Variants in RAD51B observed in about 807,000 individuals in gnomAD.
The protein encoded by RAD51B is DNA repair protein RAD51 homolog 2.
RAD51B carries 38 observed loss-of-function variants against 42.2 expected under a neutral mutation model. The observed-to-expected ratio is 0.90, with a 90% confidence interval of 0.70 to 1.18. The LOEUF (loss-of-function observed/expected upper bound fraction) is 1.18, where lower values mean the gene tolerates loss of function less well. Among genes scored for constraint, RAD51B ranks in the 50% most tolerant of loss-of-function variants. The pLI is 0.00. For synonymous variants in RAD51B, 154 were observed against 145.2 expected (o/e 1.06, Z -0.43); for missense variants, 373 against 400.7 (o/e 0.93, Z 0.59).
chr14:68,544,400 A>T (rs1888118271), intron 10 of RAD51B, among the ~76,000 whole-genome samples: 1 of 152,198 alleles, frequency 6.6e-6, no homozygotes, highest in East Asian at 1.9e-4. Flanking sequence ...AACCCAACCC[A>T]CTTAGAAGGA....
downstream of RAD51B, among the ~76,000 whole-genome samples, chr14:68,481,415 C>T (rs1188775834): frequency 2.0e-5 from 3 of 152,150 alleles, no homozygotes; most frequent in East Asian, 5.8e-4. Flanking sequence ...ACCTTTTTGA[C>T]CCCAAGAAAC....
intron 7 of RAD51B, among the ~76,000 whole-genome samples, chr14:67,942,800 C>G (rs1243806025): frequency 3.3e-5 from 5 of 152,066 alleles, no homozygotes; most frequent in Admixed American, 3.3e-4. Context: ...GGAATAGTTG[C>G]AATTATAAAG....
At chr14:68,518,127 T>G (rs1036014398) in intron 10 of RAD51B, among the ~76,000 whole-genome samples, 5 of 152,224 alleles carry the variant, frequency 3.3e-5, no homozygotes, top group Non-Finnish European at 5.9e-5. Flanking sequence ...CAAATGGTCA[T>G]GGCACCTGTG....
chr14:67,886,092 T>C (rs1385431609), intron 6 of RAD51B, 104 bp downstream of exon 6: 2 of 953,358 alleles, frequency 2.1e-6, no homozygotes, highest in Non-Finnish European at 2.9e-6. Context: ...AGGTTAGAAT[T>C]ATGTGGAGTA....
chr14:68,550,749 C>T (rs1027090440), intron 10 of RAD51B, among the ~76,000 whole-genome samples: 1 of 152,160 alleles, frequency 6.6e-6, no homozygotes, highest in African/African-American at 2.4e-5. Flanking sequence ...TTCTGCTGTA[C>T]CCAGTCCATC....
At chr14:68,465,058 G>A (rs1309300335) in intron 9 of RAD51B, among the ~76,000 whole-genome samples, 1 of 152,162 alleles carries the variant, frequency 6.6e-6, no homozygotes, top group Non-Finnish European at 1.5e-5. Flanking sequence ...GTGTCTCATT[G>A]AAATATTACA....
At chr14:67,875,225 C>G (rs2140022697) in intron 5 of RAD51B, among the ~76,000 whole-genome samples, 1 of 152,206 alleles carries the variant, frequency 6.6e-6, no homozygotes, top group Non-Finnish European at 1.5e-5. Context: ...AGACATTAAT[C>G]AAATAATCAC....
chr14:68,493,665 T>C (rs1261280459), intron 10 of RAD51B, among the ~76,000 whole-genome samples: 1 of 152,236 alleles, frequency 6.6e-6, no homozygotes, highest in Non-Finnish European at 1.5e-5. Flanking sequence ...ACCTATTTTA[T>C]AGAAGCCGAG....
Position 68,431,961 on chromosome 14 carries a change from C to T in RAD51B, c.957+20434C>T, listed in dbSNP as rs556170331. Among the ~76,000 whole-genome samples, 7 of 152,312 alleles carry T rather than the reference C, an allele frequency of 4.6e-5. No individual in the cohort carries two copies. The East Asian group carries it at 1.2e-3, about 25-fold the overall frequency. The stretch of plus-strand genomic sequence containing the variant: ...TTCTGGTATGTTGTGTCTTTGTTCT[C>T]ACTGGTTTCAAAGAACATCTTTATT... On this transcript the variant is annotated intron_variant, in intron 9 of 10. Coordinates refer to ENST00000471583, the MANE Select transcript of RAD51B (RefSeq NM_133510.4).
At chr14:68,158,781 C>G (rs2078572136) in intron 7 of RAD51B, among the ~76,000 whole-genome samples, 1 of 152,134 alleles carries the variant, frequency 6.6e-6, no homozygotes, top group Non-Finnish European at 1.5e-5. Context: ...TGAATAATTT[C>G]CTTTTCCTTT....
chr14:68,043,642 A>G (rs1016459896), intron 7 of RAD51B, among the ~76,000 whole-genome samples: 2 of 152,204 alleles, frequency 1.3e-5, no homozygotes, highest in Non-Finnish European at 2.9e-5. Flanking sequence ...CCCTGGCTTG[A>G]TCTGCAAATC....
chr14:68,518,367 T>C (rs1886307754), intron 10 of RAD51B, among the ~76,000 whole-genome samples: 1 of 152,218 alleles, frequency 6.6e-6, no homozygotes, highest in South Asian at 2.1e-4. Context: ...TGCCTGTGAC[T>C]GCAGGCCCCG....
chr14:68,058,754 C>T (rs1161849928), intron 7 of RAD51B, among the ~76,000 whole-genome samples: 1 of 152,118 alleles, frequency 6.6e-6, no homozygotes, highest in African/African-American at 2.4e-5. Context: ...GTGAGATTAT[C>T]TGTGAGATGA....
chr14:67,872,727 G>C (rs1171457469), intron 5 of RAD51B, among the ~76,000 whole-genome samples: 1 of 151,072 alleles, frequency 6.6e-6, no homozygotes, highest in Admixed American at 6.6e-5. Context: ...CATGGTACTG[G>C]TACCAAAACA....
At chr14:68,608,103 C>T (rs369586883) in intron 10 of RAD51B, among the ~76,000 whole-genome samples, 3 of 152,166 alleles carry the variant, frequency 2.0e-5, no homozygotes, top group East Asian at 1.9e-4. Context: ...GGGCACAGCG[C>T]GTGCCATGAG....
At chr14:68,419,565 C>CTT (rs2084646406) in intron 9 of RAD51B, among the ~76,000 whole-genome samples, 1 of 152,148 alleles carries the variant, frequency 6.6e-6, no homozygotes, top group Non-Finnish European at 1.5e-5. Context: ...GCATGAACTC[C>CTT]CCAGTCAAGT....
chr14:68,245,395 G>A (rs1193136734), intron 7 of RAD51B, among the ~76,000 whole-genome samples: 1 of 152,160 alleles, frequency 6.6e-6, no homozygotes, highest in African/African-American at 2.4e-5. Context: ...GGTTCCTACT[G>A]GAAACCCATC....
At chr14:68,155,438 C>G (rs181400989) in intron 7 of RAD51B, among the ~76,000 whole-genome samples, 2 of 152,026 alleles carry the variant, frequency 1.3e-5, no homozygotes, top group Non-Finnish European at 2.9e-5. Context: ...ATGATCCACC[C>G]GCCTCGGCCT....
chr14:68,332,664 A>G (rs962172831), intron 8 of RAD51B, among the ~76,000 whole-genome samples: 2 of 152,230 alleles, frequency 1.3e-5, no homozygotes, highest in Admixed American at 1.3e-4. Flanking sequence ...TTCTAATTCT[A>G]GGCTGTCTCT....
Sources: allele counts gnomAD v4.1 joint callset (sites outside exome capture counted in the v4.1 genomes callset), GRCh38; gene constraint gnomAD v4.1.1; transcripts MANE v1.5; gene names NCBI Gene and HGNC (gene_info 2026-07-23, HGNC 2026-07-21).